ASTN2: variants seen among roughly 807,000 people sequenced by gnomAD.
ASTN2 encodes the protein astrotactin 2.
In ASTN2, 54 loss-of-function variants were observed where a neutral mutation model predicts 139.8. That is an observed-to-expected ratio of 0.39 (90% CI 0.31 to 0.48). The LOEUF (loss-of-function observed/expected upper bound fraction) is 0.48, where lower values mean the gene tolerates loss of function less well. Among genes scored for constraint, ASTN2 ranks in the 20% least tolerant of loss-of-function variants. The pLI is 0.95. For synonymous variants in ASTN2, 756 were observed against 719.5 expected (o/e 1.05, Z -0.81); for missense variants, 1,565 against 1,725.1 (o/e 0.91, Z 1.64).
intron 22 of ASTN2, among the ~76,000 whole-genome samples, chr9:116,439,107 T>G (rs1379977489): frequency 5.9e-5 from 9 of 152,230 alleles, no homozygotes; most frequent in African/African-American, 2.2e-4. Context: ...GTTCATTGTC[T>G]TGAAGGGTTA....
At chr9:117,174,447 A>G (rs1207773183) in intron 3 of ASTN2, among the ~76,000 whole-genome samples, 1 of 152,042 alleles carries the variant, frequency 6.6e-6, no homozygotes, top group African/African-American at 2.4e-5. Flanking sequence ...ACAAACATCA[A>G]ACAAATAGAC....
intron 20 of ASTN2, among the ~76,000 whole-genome samples, chr9:116,444,376 C>G (rs1369345233): frequency 2.6e-5 from 4 of 152,146 alleles, no homozygotes; most frequent in African/African-American, 9.7e-5. Context: ...AAAATAATCA[C>G]CCTCATTATC....
chr9:116,748,124 A>T (rs886831950), intron 13 of ASTN2, among the ~76,000 whole-genome samples: 1 of 152,150 alleles, frequency 6.6e-6, no homozygotes, highest in Admixed American at 6.5e-5. Flanking sequence ...ATGTGGCTGG[A>T]GAAAAGTCAA....
chr9:116,951,153 C>CATGG (rs1835546971), intron 10 of ASTN2, among the ~76,000 whole-genome samples: 1 of 151,836 alleles, frequency 6.6e-6, no homozygotes, highest in Non-Finnish European at 1.5e-5. Context: ...CCCTGACCAA[C>CATGG]ATGGAGAAAC....
intron 13 of ASTN2, among the ~76,000 whole-genome samples, chr9:116,744,324 G>A (rs997411661): frequency 6.6e-6 from 1 of 152,180 alleles, no homozygotes; most frequent in African/African-American, 2.4e-5. Context: ...GATCTCATGG[G>A]TTTTCTAAGT....
At chr9:117,019,228 T>C (rs530078492) in intron 6 of ASTN2, among the ~76,000 whole-genome samples, 13 of 152,192 alleles carry the variant, frequency 8.5e-5, no homozygotes, top group African/African-American at 3.1e-4. Flanking sequence ...AATATTGTAA[T>C]TCAATACTTA....
intron 3 of ASTN2, among the ~76,000 whole-genome samples, chr9:117,212,020 A>G (rs1218302001): frequency 1.3e-5 from 2 of 152,226 alleles, no homozygotes; most frequent in East Asian, 3.8e-4. Context: ...TGTAGTAACC[A>G]AAGTTACTGC....
chr9:117,085,602 A>G (rs954391465), intron 5 of ASTN2, among the ~76,000 whole-genome samples: 1 of 152,154 alleles, frequency 6.6e-6, no homozygotes, highest in Admixed American at 6.5e-5. Flanking sequence ...GGCTGGTCCT[A>G]CGGATGCTGC....
intron 19 of ASTN2, chr9:116,582,798 T>C (rs141082972): frequency 1.3e-5 from 2 of 152,358 alleles, no homozygotes; most frequent in Non-Finnish European, 2.9e-5. Flanking sequence ...ATTCTGATTA[T>C]GTTTACGATC....
At chr9:116,844,408 C>T (rs766315571) in intron 11 of ASTN2, among the ~76,000 whole-genome samples, 13 of 152,148 alleles carry the variant, frequency 8.5e-5, no homozygotes, top group East Asian at 7.7e-4. Flanking sequence ...CAGTCCAGCA[C>T]GTGGGAGGGA....
chr9:117,267,417 CAG>C (rs903369708), intron 2 of ASTN2, among the ~76,000 whole-genome samples: 4 of 152,222 alleles, frequency 2.6e-5, no homozygotes, highest in African/African-American at 9.6e-5. Context: ...ACATTAGAGA[CAG>C]GGGAAAGCTC....
At chr9:117,237,185 C>T (rs575893346) in intron 2 of ASTN2, among the ~76,000 whole-genome samples, 5 of 152,202 alleles carry the variant, frequency 3.3e-5, no homozygotes, top group South Asian at 4.1e-4. Flanking sequence ...TTTGCCATTA[C>T]GTTCAATGAC....
intron 13 of ASTN2, among the ~76,000 whole-genome samples, chr9:116,769,782 T>C (rs952125604): frequency 2.7e-4 from 41 of 152,174 alleles, no homozygotes; most frequent in Non-Finnish European, 8.8e-5. Context: ...CAGTGGCTCA[T>C]GCCTATAATC....
At chr9:117,180,460 C>G in intron 3 of ASTN2, among the ~76,000 whole-genome samples, 1 of 152,148 alleles carries the variant, frequency 6.6e-6, no homozygotes, top group East Asian at 1.9e-4. Flanking sequence ...GCTCAAATGT[C>G]TCCTCTTGAG....
intron 1 of ASTN2, among the ~76,000 whole-genome samples, chr9:117,373,933 T>C (rs1429352679): frequency 6.6e-6 from 1 of 152,170 alleles, no homozygotes; most frequent in Non-Finnish European, 1.5e-5. Context: ...TTAATGATTA[T>C]TTCTGAGAAG....
chr9:116,569,191 C>T (rs558408832), intron 19 of ASTN2, among the ~76,000 whole-genome samples: 8 of 152,252 alleles, frequency 5.3e-5, no homozygotes, highest in East Asian at 1.9e-4. Context: ...AAGAATCAGA[C>T]GGGCCTCGTT....
chr9:116,881,330 C>T (rs1036459441), intron 10 of ASTN2, among the ~76,000 whole-genome samples: 1 of 152,174 alleles, frequency 6.6e-6, no homozygotes, highest in African/African-American at 2.4e-5. Context: ...CTATAATTTC[C>T]TAGTGGAGCC....
At chr9:116,996,421 C>T (rs569981634) in intron 7 of ASTN2, among the ~76,000 whole-genome samples, 1 of 152,004 alleles carries the variant, frequency 6.6e-6, no homozygotes, top group Admixed American at 6.6e-5. Context: ...ACAGTTATCA[C>T]TGTATAAATG....
chr9:117,344,975 G>A (rs191691702), intron 1 of ASTN2, among the ~76,000 whole-genome samples: 1 of 152,200 alleles, frequency 6.6e-6, no homozygotes, highest in African/African-American at 2.4e-5. Flanking sequence ...ACAAGAGTGG[G>A]GAACGTTTTT....
Sources: allele counts gnomAD v4.1 joint callset (sites outside exome capture counted in the v4.1 genomes callset), GRCh38; gene constraint gnomAD v4.1.1; transcripts MANE v1.5; gene names NCBI Gene and HGNC (gene_info 2026-07-23, HGNC 2026-07-21).